APOB: variants seen among roughly 807,000 people sequenced by gnomAD.
APOB encodes apolipoprotein B-100.
In APOB, 153 loss-of-function variants were observed where a neutral mutation model predicts 314.1. That is an observed-to-expected ratio of 0.49 (90% CI 0.43 to 0.56). APOB has a LOEUF of 0.56. APOB is among the 20% of genes least tolerant of loss of function. APOB has a pLI of 0.00. For missense variants in APOB, 5,430 were observed against 5,350.7 expected (o/e 1.01, Z -0.46); for synonymous variants, 2,087 against 2,036.4 (o/e 1.02, Z -0.67).
rs201341694 is a variant in APOB at position 21,032,470 on chromosome 2, G to A, written c.1236C>T (p.Thr412=). Residue 412 remains threonine, a synonymous_variant, in exon 10 of 29, where the codon ACC becomes ACT. Coordinates refer to ENST00000233242, the MANE Select transcript of APOB (RefSeq NM_000384.3). ...HANPLLIDVV[T]YLVALIPEPS... is the part of the protein sequence containing the mutation. ...GCTCGGGGATCAGGGCCACCAGGTA[G>A]GTGACCACATCTATCAGAAGGGGGT... The A allele has an allele frequency of 4.3e-6, 7 of 1,614,064 alleles. No homozygotes were observed. In the African/African-American group the frequency reaches 5.3e-5, roughly 12 times the overall value.
intron 17 of APOB, 78 bp from the exon 18 acceptor site, chr2:21,023,120 A>C: frequency 1.1e-4 from 144 of 1,259,134 alleles, no homozygotes; most frequent in Non-Finnish European, 1.5e-4. Context: ...ACCCTTTCTC[A>C]CCTCCGGGCA....
chr2:21,032,227 G>GA, intron 10 of APOB, 127 bp downstream of exon 10: 4 of 850,294 alleles, frequency 4.7e-6, no homozygotes, highest in Non-Finnish European at 7.7e-6. Context: ...AAATGATCAA[G>GA]AAAAAACACA....
Position 21,023,347 on chromosome 2 carries a change from A to T in APOB, c.2604+178T>A, listed in dbSNP as rs570978065. The stretch of plus-strand genomic sequence containing the variant: ...TTATGGCCATACCACTACTGGAGCT[A>T]GTGAGGTAGTGCATTCTGGTGGAAG... On this transcript the variant is annotated intron_variant, in intron 17 of 28. Transcript: ENST00000233242. 50 of 718,420 alleles carry T rather than the reference A, an allele frequency of 7.0e-5. No homozygotes were observed. The African/African-American group carries it at 7.2e-4, about 10-fold the overall frequency. The allele number at this position is 718,420 out of a possible 1,614,324, so 44.5% of individuals were successfully genotyped here. A position where few individuals can be genotyped will look rare whatever the true frequency, so the allele number is the denominator to read the frequency against.
rs1662978741 is a variant in APOB at position 21,001,637 on chromosome 2, A to G, written c.*93T>C. ...GCCTACTGCAAGGCTGGCTCACTGT[A>G]TGGTTTTATCAATATAGGCAGTTTG... On this transcript the variant is annotated 3_prime_UTR_variant, in exon 29 of 29. Coordinates refer to ENST00000233242, the MANE Select transcript of APOB (RefSeq NM_000384.3). 7.7e-7 allele frequency: 1 copy of G among 1,297,076 alleles called. No individual in the cohort carries two copies. Among genetic ancestry groups the G allele is most frequent in the Non-Finnish European group, 1.1e-6 (1 of 906,282 alleles). 80.3% of individuals were successfully genotyped at this position (1,297,076 alleles called of 1,614,324 possible).
At position 21,029,625 on chromosome 2, in the gene APOB, C is replaced by T. The variant is rs763537000; in HGVS notation, c.1617+14G>A. 14 of 1,614,106 alleles carry T rather than the reference C, an allele frequency of 8.7e-6. No homozygotes were observed. The highest frequency in any genetic ancestry group is 1.3e-5 in the African/African-American group (1 of 75,046). On this transcript the variant is annotated intron_variant, in intron 12 of 28. Transcript: ENST00000233242. ...ATAAACTTTCACTTTCAGACCTCTT[C>T]TTGTGGACTTTACCTTGTCTTTAGG...
chr2:21,030,466 G>A (rs369434418), intron 10 of APOB, among the ~76,000 whole-genome samples: 2 of 152,120 alleles, frequency 1.3e-5, no homozygotes, highest in Non-Finnish European at 2.9e-5. Context: ...ATGGATCAAA[G>A]ACTTAAATAT....
intron 10 of APOB, 39 bp from the exon 11 acceptor site, chr2:21,030,054 C>A: frequency 7.4e-7 from 1 of 1,347,940 alleles, no homozygotes; most frequent in African/African-American, 1.4e-5. Context: ...TTGGTAACCC[C>A]AGTTAGGTTT....
intron 6 of APOB, 80 bp downstream of exon 6, chr2:21,037,020 C>T: frequency 1.9e-6 from 3 of 1,574,308 alleles, no homozygotes; most frequent in South Asian, 1.1e-5. Flanking sequence ...TCAAAGGTGC[C>T]CACTAGCTCA....
Position 21,010,757 on chromosome 2 carries a change from A to C in APOB, c.6111T>G (p.Ile2037Met). The change falls in exon 26 of 29, where the codon ATT (isoleucine) becomes ATG (methionine). Residue 2037 changes from isoleucine (I) to methionine (M), a missense_variant. By Grantham distance (10) the Ile-to-Met change is conservative (BLOSUM62 1). Coordinates refer to ENST00000233242, the MANE Select transcript of APOB (RefSeq NM_000384.3). ...PLLLSEPINI[I>M]DALEMRDAVE... is the part of the protein sequence containing the mutation. ...CGGCATCTCTCATCTCTAAAGCATCAATGATATTGATGGGCTCACTGAGTA... is the reference window on the plus strand; with the variant it reads ...CGGCATCTCTCATCTCTAAAGCATCCATGATATTGATGGGCTCACTGAGTA... 6.2e-7 allele frequency: 1 copy of C among 1,614,134 alleles called. No homozygotes were observed.
chr2:21,010,213 G>A lies in APOB; in HGVS notation c.6655C>T (p.Arg2219Cys), dbSNP rs141641980. The A allele has an allele frequency of 1.7e-4, 272 of 1,583,182 alleles. No individual in the cohort carries two copies. The highest frequency in any genetic ancestry group is 2.2e-4 in the Non-Finnish European group (258 of 1,161,138). Residue 2219 changes from arginine to cysteine, a missense_variant, in exon 26 of 29, where the codon CGT (arginine) becomes TGT (cysteine). Around this residue, in one of 3 missense-constraint regions of APOB, gnomAD observed 3,281 missense variants for 3,171.0 expected, o/e 1.03. Transcript: ENST00000233242. ...LKSLDEHYHI[R>C]VNLVKTIHDL... Reference sequence around the variant, plus strand: ...TGGATTGTTTTTACTAAATTTACACGGATATGATAGTGCTCATCAAGACTT... The same window carrying A: ...TGGATTGTTTTTACTAAATTTACACAGATATGATAGTGCTCATCAAGACTT...
intron 21 of APOB, 70 bp downstream of exon 21, chr2:21,016,369 T>C (rs1229772949): frequency 1.2e-6 from 1 of 823,070 alleles, no homozygotes; most frequent in East Asian, 2.5e-5. Flanking sequence ...AGGTATGAAG[T>C]GGAAGAGGAA....
chr2:21,003,369 C>A (rs1338415265), intron 28 of APOB, 35 bp from the exon 29 acceptor site: 3 of 1,544,180 alleles, frequency 1.9e-6, no homozygotes. Flanking sequence ...AACATGTTTT[C>A]AATTACTCCA....
Position 21,007,977 on chromosome 2 carries a change from T to C in APOB, c.8891A>G (p.Asn2964Ser), listed in dbSNP as rs776710122. ...TTGGTTTACTCTTAGGTGTTTGCTATTGATCTTATTGGACAGTCCAAAGGA... is the reference window on the plus strand; with the variant it reads ...TTGGTTTACTCTTAGGTGTTTGCTACTGATCTTATTGGACAGTCCAAAGGA... ...LTSFGLSNKI[N>S]SKHLRVNQNL... is the part of the protein sequence containing the mutation. Residue 2964 changes from asparagine to serine, a missense_variant, in exon 26 of 29, where the codon AAT becomes AGT. Around this residue, in one of 3 missense-constraint regions of APOB, gnomAD observed 3,281 missense variants for 3,171.0 expected, o/e 1.03. Coordinates refer to ENST00000233242, the MANE Select transcript of APOB (RefSeq NM_000384.3). 70 of 1,614,008 alleles carry C rather than the reference T, an allele frequency of 4.3e-5. No individual in the cohort carries two copies. The East Asian group carries it at 1.2e-3, about 27-fold the overall frequency.
chr2:21,036,295 T>A (rs1404947702), intron 6 of APOB, among the ~76,000 whole-genome samples: 3 of 152,124 alleles, frequency 2.0e-5, no homozygotes, highest in South Asian at 4.1e-4. Context: ...CAGAGTGGGG[T>A]TGAGCAAACA....
chr2:21,022,074 G>A (rs1433186095), intron 18 of APOB, among the ~76,000 whole-genome samples: 2 of 152,246 alleles, frequency 1.3e-5, no homozygotes, highest in African/African-American at 4.8e-5. Context: ...TCCCATCTCA[G>A]CCTTCTGAGT....
intron 22 of APOB, 48 bp from the exon 23 acceptor site, chr2:21,015,308 A>C: frequency 6.2e-7 from 1 of 1,612,772 alleles, no homozygotes; most frequent in South Asian, 1.1e-5. Context: ...TTCAGCCTGT[A>C]ACCACAGGTC....
At chr2:21,021,443 A>C (rs1243341824) in intron 18 of APOB, among the ~76,000 whole-genome samples, 1 of 152,094 alleles carries the variant, frequency 6.6e-6, no homozygotes, top group African/African-American at 2.4e-5. Flanking sequence ...CATCTTCCAC[A>C]CTAGAGTCAG....
intron 6 of APOB, among the ~76,000 whole-genome samples, chr2:21,036,865 A>G (rs1191837937): frequency 2.0e-5 from 3 of 152,146 alleles, no homozygotes; most frequent in Non-Finnish European, 4.4e-5. Context: ...ACAGGAGGAA[A>G]GACAGAGCTC....
At position 21,028,516 on chromosome 2, in the gene APOB, G is replaced by T. The variant is rs139176904; in HGVS notation, c.1640C>A (p.Thr547Asn). 22 of 1,612,902 alleles carry T rather than the reference G, an allele frequency of 1.4e-5. No homozygotes were observed. The African/African-American group carries it at 2.7e-4, about 20-fold the overall frequency. The change falls in exon 13 of 29, where the codon ACT (threonine) becomes AAT (asparagine). Residue 547 changes from threonine to asparagine, a missense_variant. This residue lies in a region of APOB where 2,085 missense variants were observed against 2,079.7 expected (regional missense o/e 1.00). Coordinates refer to ENST00000233242, the MANE Select transcript of APOB (RefSeq NM_000384.3). ...TCCCGGAGAAGCATCATCAAGGAAA[G>T]TCTGAAGAAGAACCTCCTGGTCCTG... ...KDKDQEVLLQ[T>N]FLDDASPGDK...
Sources: allele counts gnomAD v4.1 joint callset (sites outside exome capture counted in the v4.1 genomes callset), GRCh38; gene constraint gnomAD v4.1.1; regional missense constraint gnomAD v4.1.1; transcripts MANE v1.5; gene names NCBI Gene and HGNC (gene_info 2026-07-23, HGNC 2026-07-21).